The following RFX3 variants were observed in gnomAD, a reference collection of about 807,000 sequenced individuals.
RFX3 encodes transcription factor RFX3.
In RFX3, 14 loss-of-function variants were observed where a neutral mutation model predicts 98.6. The observed-to-expected ratio is 0.14, with a 90% CI of 0.09 to 0.22. The LOEUF (loss-of-function observed/expected upper bound fraction) is 0.22. RFX3 is among the 10% of genes least tolerant of loss of function. The pLI is 1.00. For synonymous variants in RFX3, 383 were observed against 328.4 expected, an observed-to-expected ratio of 1.17 and a Z score of -1.80; for missense variants, 639 against 926.9, an observed-to-expected ratio of 0.69 and a Z score of 4.03.
chr9:3,424,220 G>T (rs1020512389), intron 1 of RFX3, among the ~76,000 whole-genome samples: 11 of 151,404 alleles, frequency 7.3e-5, no homozygotes, highest in Non-Finnish European at 1.2e-4. Context: ...ATTTCATTTT[G>T]TCCAAATATC....
chr9:3,332,667 T>A (rs1832732441), intron 3 of RFX3, among the ~76,000 whole-genome samples: 1 of 152,178 alleles, frequency 6.6e-6, no homozygotes. Flanking sequence ...TCAAAACTCT[T>A]GTCCACTTTA....
At chr9:3,478,372 T>G (rs1849451516) in intron 1 of RFX3, among the ~76,000 whole-genome samples, 1 of 151,994 alleles carries the variant, frequency 6.6e-6, no homozygotes, top group Admixed American at 6.6e-5. Context: ...GATCCTGTAT[T>G]CCCCGTAGTG....
At chr9:3,476,760 T>C (rs983960578) in intron 1 of RFX3, among the ~76,000 whole-genome samples, 20 of 152,194 alleles carry the variant, frequency 1.3e-4, no homozygotes, top group African/African-American at 4.6e-4. Context: ...AACGCATTTA[T>C]TGGAATTGAC....
At chr9:3,330,631 G>A (rs1394826745) in intron 3 of RFX3, 114 bp from the exon 4 acceptor site, 5 of 918,682 alleles carry the variant, frequency 5.4e-6, no homozygotes, top group Non-Finnish European at 8.0e-6. Flanking sequence ...TTGCAACATG[G>A]CAAGTTTCGC....
chr9:3,465,457 ACT>A (rs1491182751), intron 1 of RFX3, among the ~76,000 whole-genome samples: 82 of 63,254 alleles, frequency 1.3e-3, no homozygotes, highest in African/African-American at 3.3e-3. Flanking sequence ...TGCCCAGGTA[ACT>A]TTTTTTTTTT....
chr9:3,342,687 G>A (rs1364107972), intron 3 of RFX3, among the ~76,000 whole-genome samples: 1 of 151,996 alleles, frequency 6.6e-6, no homozygotes, highest in Non-Finnish European at 1.5e-5. Context: ...AAACTTCTTA[G>A]CTACACCAAG....
intron 4 of RFX3, among the ~76,000 whole-genome samples, chr9:3,316,039 T>C (rs1830546558): frequency 6.6e-6 from 1 of 152,052 alleles, no homozygotes; most frequent in African/African-American, 2.4e-5. Context: ...GCCAACATCA[T>C]CCTGATACCA....
At chr9:3,420,692 G>C (rs937350887) in intron 1 of RFX3, 1 of 702,818 alleles carries the variant, frequency 1.4e-6, no homozygotes, top group Non-Finnish European at 1.7e-6. Flanking sequence ...TAAGAGGCAG[G>C]TTCCACAGCA....
chr9:3,354,162 A>G (rs3012678), intron 2 of RFX3, among the ~76,000 whole-genome samples: 5,299 of 152,120 alleles, frequency 0.035, 312 homozygotes, highest in African/African-American at 0.12. Context: ...TAAAGTATCA[A>G]TGAACTAGGG....
chr9:3,249,423 A>G (rs1821098351), intron 14 of RFX3, among the ~76,000 whole-genome samples: 1 of 152,154 alleles, frequency 6.6e-6, no homozygotes, highest in Non-Finnish European at 1.5e-5. Context: ...TTGCATGAAA[A>G]CAAAACATTG....
chr9:3,325,566 T>C (rs1831813641), intron 4 of RFX3, among the ~76,000 whole-genome samples: 1 of 152,044 alleles, frequency 6.6e-6, no homozygotes, highest in African/African-American at 2.4e-5. Flanking sequence ...GTCTCAAAAA[T>C]GATTAATGTA....
chr9:3,524,315 T>C (rs915056454), intron 1 of RFX3, among the ~76,000 whole-genome samples: 1 of 151,994 alleles, frequency 6.6e-6, no homozygotes, highest in African/African-American at 2.4e-5. Flanking sequence ...TATTCAAATC[T>C]ACAGAGAAAA....
chr9:3,376,346 T>C (rs914420271), intron 2 of RFX3, among the ~76,000 whole-genome samples: 2 of 152,136 alleles, frequency 1.3e-5, no homozygotes, highest in African/African-American at 2.4e-5. Flanking sequence ...TATTTACCCA[T>C]GAGAAATAAA....
At chr9:3,492,593 G>T (rs570017657) in intron 1 of RFX3, among the ~76,000 whole-genome samples, 1 of 152,258 alleles carries the variant, frequency 6.6e-6, no homozygotes, top group South Asian at 2.1e-4. Context: ...ACGCCTACAG[G>T]GTAGTCAACA....
chr9:3,291,658 T>A (rs566139118), intron 6 of RFX3, among the ~76,000 whole-genome samples: 1 of 152,276 alleles, frequency 6.6e-6, no homozygotes, highest in South Asian at 2.1e-4. Context: ...CTGTTGTTAA[T>A]CTTTCGTTAT....
chr9:3,448,095 C>A (rs1846209765), intron 1 of RFX3, among the ~76,000 whole-genome samples: 1 of 152,100 alleles, frequency 6.6e-6, no homozygotes, highest in Non-Finnish European at 1.5e-5. Context: ...ACCTACTTAA[C>A]TTCAAGAACT....
intron 1 of RFX3, among the ~76,000 whole-genome samples, chr9:3,438,585 G>A (rs1282051770): frequency 2.0e-5 from 3 of 151,448 alleles, no homozygotes; most frequent in African/African-American, 4.9e-5. Context: ...AAATTAAAAG[G>A]CAGAGGTTAA....
Position 3,243,150 on chromosome 9 carries a change from T to A in RFX3, c.1968+4882A>T, listed in dbSNP as rs1038740800. ...GTTGTATGGAAAGCTTTATGATTTT[T>A]AAAATTGTTTATTTAACAGGTATGT... On this transcript the variant is annotated intron_variant, in intron 15 of 16. Transcript: ENST00000617270. Among the ~76,000 whole-genome samples, 86 of 152,014 alleles carry A rather than the reference T, an allele frequency of 5.7e-4. 2 individuals are homozygous for A. The highest frequency in any genetic ancestry group is 1.8e-4 in the Non-Finnish European group (12 of 67,952).
chr9:3,291,389 CAAAAA>C (rs746017785), intron 6 of RFX3, among the ~76,000 whole-genome samples: 4,319 of 121,496 alleles, frequency 0.036, 145 homozygotes, highest in African/African-American at 0.089. Context: ...AAAACAAAAA[CAAAAA>C]CAAAACAAAA....
Sources: gnomAD v4.1 joint callset for allele counts (sites outside exome capture counted in the v4.1 genomes callset) on GRCh38, gnomAD v4.1.1 for gene constraint, MANE v1.5 for transcripts, NCBI Gene and HGNC (gene_info 2026-07-23, HGNC 2026-07-21) for gene names.